The following FBXO32 variants were observed in gnomAD, a reference collection of about 807,000 sequenced individuals.
FBXO32 encodes F-box only protein 32.
A neutral mutation model predicts 48.3 loss-of-function variants in FBXO32; 15 were observed. The observed-to-expected ratio is 0.31, with a 90% CI of 0.21 to 0.48. The LOEUF (loss-of-function observed/expected upper bound fraction) is 0.48, where lower values mean the gene tolerates loss of function less well. Among genes scored for constraint, FBXO32 ranks in the 20% least tolerant of loss-of-function variants. The pLI, the probability that FBXO32 is intolerant of heterozygous loss-of-function variation, is 0.99. For synonymous variants in FBXO32, 154 were observed against 165.9 expected, an observed-to-expected ratio of 0.93 and a Z score of 0.55; for missense variants, 309 against 432.7, an observed-to-expected ratio of 0.71 and a Z score of 2.54.
chr8:123,500,831 T>A lies in FBXO32; in HGVS notation c.*2542A>T, dbSNP rs893854926. The A allele has an allele frequency of 6.6e-6, 1 of 152,036 alleles. No homozygotes were observed. Among genetic ancestry groups the A allele is most frequent in the Non-Finnish European group, 1.5e-5 (1 of 67,954 alleles). 9.4% of individuals were successfully genotyped at this position (152,036 alleles called of 1,614,324 possible). A position where few individuals can be genotyped will look rare whatever the true frequency, so the allele number is the denominator to read the frequency against. The stretch of plus-strand genomic sequence containing the variant: ...TCTTCTTCATTTTCCTTAAAAAATT[T>A]CCTTGAGTCTGTCATACACCAGCTC... On this transcript the variant is annotated 3_prime_UTR_variant, in exon 9 of 9. Transcript: ENST00000517956.
chr8:123,522,398 G>A (rs892606001), intron 4 of FBXO32, among the ~76,000 whole-genome samples: 1 of 151,680 alleles, frequency 6.6e-6, no homozygotes, highest in African/African-American at 2.4e-5. Context: ...TAAGAGAGAC[G>A]GTGTTTCACC....
intron 4 of FBXO32, among the ~76,000 whole-genome samples, chr8:123,528,715 T>C (rs117981663): frequency 0.013 from 2,041 of 152,348 alleles, 22 homozygotes; most frequent in Non-Finnish European, 0.023. Flanking sequence ...TATTTTGAGA[T>C]AGCAGTGTTA....
intron 3 of FBXO32, 129 bp from the exon 4 acceptor site, chr8:123,532,119 G>C (rs1456949557): frequency 6.8e-7 from 1 of 1,465,198 alleles, no homozygotes; most frequent in Admixed American, 2.5e-5. Context: ...AGGTGACCTG[G>C]GGCACTGGCT....
At chr8:123,509,007 C>A (rs1816684719) in intron 6 of FBXO32, among the ~76,000 whole-genome samples, 1 of 151,716 alleles carries the variant, frequency 6.6e-6, no homozygotes, top group Admixed American at 6.6e-5. Flanking sequence ...TGGCTAACAT[C>A]CACTAGGGTC....
At chr8:123,514,015 T>C (rs1006510032) in intron 5 of FBXO32, 1 of 461,126 alleles carries the variant, frequency 2.2e-6, no homozygotes, top group African/African-American at 2.0e-5. Context: ...GGCAAGTGGA[T>C]GGTCCCAAAG....
chr8:123,527,964 A>G (rs1817121732), intron 4 of FBXO32, among the ~76,000 whole-genome samples: 1 of 152,240 alleles, frequency 6.6e-6, no homozygotes, highest in South Asian at 2.1e-4. Context: ...AGTCGTATCT[A>G]GAGTTTAATG....
At chr8:123,515,620 A>G (rs1816825035) in intron 4 of FBXO32, among the ~76,000 whole-genome samples, 1 of 152,174 alleles carries the variant, frequency 6.6e-6, no homozygotes, top group South Asian at 2.1e-4. Flanking sequence ...AAATGAAGAT[A>G]ATAACTGAAG....
chr8:123,531,928 C>G lies in FBXO32; in HGVS notation c.342G>C (p.Leu114=). 2 of 1,614,138 alleles carry G rather than the reference C, an allele frequency of 1.2e-6. No individual in the cohort carries two copies. Among genetic ancestry groups the G allele is most frequent in the Middle Eastern group, 1.6e-4 (1 of 6,062 alleles). ...FNRLDFSTAI[L]DSRRFNYVVR... is the part of the protein sequence containing the mutation. Reference sequence around the variant, plus strand: ...CCACGTAGTTAAATCTTCTGGAATCCAGAATGGCAGTTGAGAAGTCCAGTC... The same window carrying G: ...CCACGTAGTTAAATCTTCTGGAATCGAGAATGGCAGTTGAGAAGTCCAGTC... Residue 114 remains leucine (L), a synonymous_variant, in exon 4 of 9, where the codon CTG becomes CTC. Transcript: ENST00000517956.
At chr8:123,526,589 T>C (rs1348286017) in intron 4 of FBXO32, among the ~76,000 whole-genome samples, 3 of 152,198 alleles carry the variant, frequency 2.0e-5, no homozygotes, top group Non-Finnish European at 4.4e-5. Context: ...TTCTGCTCAC[T>C]GATCTCTGAA....
chr8:123,511,206 G>A (rs1355079910), intron 6 of FBXO32, among the ~76,000 whole-genome samples: 1 of 152,222 alleles, frequency 6.6e-6, no homozygotes, highest in African/African-American at 2.4e-5. Context: ...GGAATCCAAG[G>A]TTCTGGCCTC....
intron 1 of FBXO32, among the ~76,000 whole-genome samples, chr8:123,538,310 T>C (rs979962918): frequency 1.3e-5 from 2 of 152,050 alleles, no homozygotes; most frequent in Non-Finnish European, 2.9e-5. Flanking sequence ...AACCACCAAA[T>C]GCATCCTTCA....
chr8:123,526,407 A>G (rs914703651), intron 4 of FBXO32, among the ~76,000 whole-genome samples: 3 of 151,942 alleles, frequency 2.0e-5, no homozygotes, highest in Non-Finnish European at 4.4e-5. Context: ...TTGTATTTTA[A>G]GTAGAGATGG....
Position 123,534,796 on chromosome 8 carries a change from TACCTCCTTGTTGCAGTAA to T in FBXO32, c.117_134del (p.Ser39_Val45delinsArg), listed in dbSNP as rs1330722278. On this transcript the variant is annotated inframe_deletion and splice_region_variant, in exon 2 of 9. Coordinates refer to ENST00000517956, the MANE Select transcript of FBXO32 (RefSeq NM_058229.4). ...TGTTGAAAAGATTCTCCTTATTGTATACCTCCTTGTTGCAGTAACTATGAATAACAGAAGACAAAGAGG... is the reference window on the plus strand; with the variant it reads ...TGTTGAAAAGATTCTCCTTATTGTATCTATGAATAACAGAAGACAAAGAGG... 1.2e-6 allele frequency: 2 copies of T among 1,611,336 alleles called. No individual in the cohort carries two copies. Among genetic ancestry groups the T allele is most frequent in the Non-Finnish European group, 1.7e-6 (2 of 1,177,836 alleles).
intron 3 of FBXO32, 131 bp downstream of exon 3, chr8:123,533,060 A>C: frequency 4.5e-6 from 3 of 672,838 alleles, no homozygotes; most frequent in Non-Finnish European, 7.8e-6. Flanking sequence ...TAATAGACTA[A>C]TAGCTGCCAT....
chr8:123,522,359 C>A (rs1563923759), intron 4 of FBXO32, among the ~76,000 whole-genome samples: 1 of 151,946 alleles, frequency 6.6e-6, no homozygotes, highest in East Asian at 1.9e-4. Flanking sequence ...CAAGTGCCTG[C>A]CACCATGTCC....
rs1289765574 is a variant in FBXO32, at chr8:123,514,240, C to A, written c.466G>T (p.Val156Phe). 1 of 1,610,688 alleles carries A rather than the reference C, an allele frequency of 6.2e-7. No individual in the cohort carries two copies. Among genetic ancestry groups the A allele is most frequent in the Non-Finnish European group, 8.5e-7 (1 of 1,178,334 alleles). Reference sequence around the variant, plus strand: ...GGCGAGAGAGTGAGAGAAGGCTCACCTTTCAGTACCACTTTTTCCAAAATA... The same window carrying A: ...GGCGAGAGAGTGAGAGAAGGCTCACATTTCAGTACCACTTTTTCCAAAATA... ...MNILEKVVLK[V>F]LEDQQNIRLI... Residue 156 changes from valine to phenylalanine, a missense_variant and splice_region_variant, in exon 5 of 9, where the codon GTC becomes TTC. By Grantham distance (50) the Val-to-Phe change is conservative. Transcript: ENST00000517956.
intron 2 of FBXO32, among the ~76,000 whole-genome samples, chr8:123,533,961 C>G (rs901434696): frequency 1.3e-5 from 2 of 151,872 alleles, no homozygotes; most frequent in African/African-American, 2.4e-5. Flanking sequence ...GGTATGGTGG[C>G]AGGTGCTTGT....
intron 1 of FBXO32, among the ~76,000 whole-genome samples, chr8:123,535,474 C>A (rs1458495863): frequency 6.6e-6 from 1 of 152,172 alleles, no homozygotes; most frequent in Non-Finnish European, 1.5e-5. Context: ...AGGCATCATG[C>A]TGTGAGGTGA....
At chr8:123,512,144 C>G (rs1816747030) in intron 6 of FBXO32, among the ~76,000 whole-genome samples, 2 of 152,178 alleles carry the variant, frequency 1.3e-5, no homozygotes, top group Non-Finnish European at 1.5e-5. Flanking sequence ...CATCCGTGCT[C>G]TGCTCTGTGT....
Sources: allele counts gnomAD v4.1 joint callset (sites outside exome capture counted in the v4.1 genomes callset), GRCh38; gene constraint gnomAD v4.1.1; transcripts MANE v1.5; gene names NCBI Gene and HGNC (gene_info 2026-07-23, HGNC 2026-07-21).